CSMD1: variants seen among roughly 807,000 people sequenced by gnomAD.
CSMD1 encodes CUB and sushi domain-containing protein 1.
In CSMD1, 213 loss-of-function variants were observed where a neutral mutation model predicts 417.5. The observed-to-expected ratio is 0.51, with a 90% CI of 0.46 to 0.57. The LOEUF is 0.57. CSMD1 is among the 20% of genes least tolerant of loss of function. CSMD1 has a pLI of 0.00. For missense variants in CSMD1, 6,923 were observed against 4,529.7 expected (o/e 1.53, Z -15.17); for synonymous variants, 2,862 against 1,736.8 (o/e 1.65, Z -16.11).
At chr8:4,295,235 T>C (rs868495755) in intron 3 of CSMD1, among the ~76,000 whole-genome samples, 4 of 116,028 alleles carry the variant, frequency 3.4e-5, no homozygotes, top group Non-Finnish European at 5.7e-5. Context: ...TAAGATTATA[T>C]GCACATATAA....
chr8:4,846,336 C>T lies in CSMD1; in HGVS notation c.85+147996G>A, dbSNP rs575125762. 2.0e-5 allele frequency among the ~76,000 whole-genome samples: 3 copies of T among 152,280 alleles called. No individual in the cohort carries two copies. The South Asian group carries it at 6.2e-4, about 32-fold the overall frequency. On this transcript the variant is annotated intron_variant, in intron 1 of 69. Transcript: ENST00000635120. ...CTAACAGCCTGTAAGGAGATGTGTG[C>T]ATATGGGTTTATAGATGGGTTTCCT...
chr8:4,659,753 C>G (rs551318789), intron 1 of CSMD1, among the ~76,000 whole-genome samples: 7 of 152,094 alleles, frequency 4.6e-5, no homozygotes, highest in Non-Finnish European at 7.4e-5. Flanking sequence ...TGTACTGACG[C>G]CTCGGATTTG....
chr8:4,384,611 AAATAG>A (rs554800293), intron 3 of CSMD1, among the ~76,000 whole-genome samples: 25 of 151,588 alleles, frequency 1.6e-4, no homozygotes, highest in Non-Finnish European at 3.5e-4. Flanking sequence ...AAGAAAAATA[AAATAG>A]AAGATTTTTT....
At chr8:4,716,319 T>A (rs1201847168) in intron 1 of CSMD1, among the ~76,000 whole-genome samples, 1 of 152,176 alleles carries the variant, frequency 6.6e-6, no homozygotes, top group South Asian at 2.1e-4. Context: ...GTCATGTGGC[T>A]GAGGAAATGT....
At chr8:3,390,110 T>A (rs1234138386) in intron 17 of CSMD1, among the ~76,000 whole-genome samples, 1 of 151,986 alleles carries the variant, frequency 6.6e-6, no homozygotes, top group East Asian at 1.9e-4. Context: ...ATCCCAGCAC[T>A]TTGGGAGGCC....
At chr8:3,909,697 G>C (rs1351810995) in intron 5 of CSMD1, among the ~76,000 whole-genome samples, 1 of 152,072 alleles carries the variant, frequency 6.6e-6, no homozygotes, top group African/African-American at 2.4e-5. Context: ...TTCCTCCTTC[G>C]AAATTCTTGC....
At chr8:3,985,094 G>A (rs936612646) in intron 5 of CSMD1, among the ~76,000 whole-genome samples, 1 of 151,930 alleles carries the variant, frequency 6.6e-6, no homozygotes, top group Non-Finnish European at 1.5e-5. Context: ...TGTTACTTAG[G>A]GGGGACTTGT....
intron 42 of CSMD1, among the ~76,000 whole-genome samples, chr8:3,112,532 G>C (rs1208090367): frequency 6.6e-6 from 1 of 152,184 alleles, no homozygotes; most frequent in Non-Finnish European, 1.5e-5. Flanking sequence ...CATTGAGCAA[G>C]TCAGTGATTC....
intron 3 of CSMD1, among the ~76,000 whole-genome samples, chr8:4,355,394 G>T (rs1010926199): frequency 6.6e-6 from 1 of 151,836 alleles, no homozygotes; most frequent in African/African-American, 2.4e-5. Context: ...CGCGTTAAGA[G>T]TGTTCTTAAC....
At chr8:3,023,934 G>A (rs979285430) in intron 51 of CSMD1, among the ~76,000 whole-genome samples, 1 of 151,658 alleles carries the variant, frequency 6.6e-6, no homozygotes, top group Admixed American at 6.6e-5. Context: ...AGATTCCGTT[G>A]GTCCTGATCC....
chr8:3,491,031 C>G (rs1328596121), intron 11 of CSMD1, among the ~76,000 whole-genome samples: 1 of 152,068 alleles, frequency 6.6e-6, no homozygotes, highest in Non-Finnish European at 1.5e-5. Flanking sequence ...CCTCTTCATC[C>G]CCAAATTCCT....
chr8:3,005,915 T>C (rs1463075793), intron 52 of CSMD1, among the ~76,000 whole-genome samples: 1 of 152,074 alleles, frequency 6.6e-6, no homozygotes, highest in Admixed American at 6.6e-5. Context: ...TCGGAAGTTC[T>C]GGCCAGGGCA....
intron 2 of CSMD1, among the ~76,000 whole-genome samples, chr8:4,444,411 G>A (rs1157012115): frequency 2.0e-5 from 3 of 146,794 alleles, no homozygotes; most frequent in East Asian, 2.0e-4. Context: ...GCTGAATGTG[G>A]TGCTCAAAAA....
intron 2 of CSMD1, among the ~76,000 whole-genome samples, chr8:4,636,783 T>C (rs559254207): frequency 1.1e-4 from 16 of 152,328 alleles, no homozygotes; most frequent in African/African-American, 3.6e-4. Context: ...ATAGTAACTG[T>C]ATTTTTCTTT....
In CSMD1 at chr8:4,175,312, T is replaced by C. The variant is rs568900992; in HGVS notation, c.416-143213A>G. Among the ~76,000 whole-genome samples the C allele has an allele frequency of 3.9e-5, 6 of 152,314 alleles. No homozygotes were observed. The East Asian group carries it at 5.8e-4, about 15-fold the overall frequency. ...TATCCTTAGGACAGTGAATCTTCCA[T>C]TGTTTAGGTTAAAGTTATCTTCGTC... is the stretch of plus-strand genomic sequence containing the variant. On this transcript the variant is annotated intron_variant, in intron 3 of 69. Coordinates refer to ENST00000635120, the MANE Select transcript of CSMD1 (RefSeq NM_033225.6).
At chr8:3,707,604 A>ATGCTT (rs1353747957) in intron 7 of CSMD1, among the ~76,000 whole-genome samples, 3 of 152,226 alleles carry the variant, frequency 2.0e-5, no homozygotes, top group African/African-American at 7.2e-5. Context: ...TGAAGCTGGT[A>ATGCTT]CCCAGTAACT....
intron 1 of CSMD1, among the ~76,000 whole-genome samples, chr8:4,877,225 C>G (rs1411973321): frequency 1.3e-5 from 2 of 151,900 alleles, no homozygotes; most frequent in African/African-American, 2.4e-5. Context: ...AAAACAGGAG[C>G]ATAAATCTAA....
chr8:3,705,407 AC>A (rs1364147068), intron 7 of CSMD1, among the ~76,000 whole-genome samples: 1 of 152,078 alleles, frequency 6.6e-6, no homozygotes, highest in Non-Finnish European at 1.5e-5. Context: ...AGCAGTGTCC[AC>A]CCCTGTCTGG....
chr8:4,980,030 C>A (rs1390222028), intron 1 of CSMD1, among the ~76,000 whole-genome samples: 1 of 152,132 alleles, frequency 6.6e-6, no homozygotes, highest in African/African-American at 2.4e-5. Context: ...GAGTGAGACT[C>A]CATCCCAAAA....
Sources: allele counts gnomAD v4.1 joint callset (sites outside exome capture counted in the v4.1 genomes callset), GRCh38; gene constraint gnomAD v4.1.1; transcripts MANE v1.5; gene names NCBI Gene and HGNC (gene_info 2026-07-23, HGNC 2026-07-21).